Variants in ANKRD27 observed in about 807,000 individuals in gnomAD.
ANKRD27 encodes ankyrin repeat domain 27, also known as ankyrin repeat domain-containing protein 27.
A neutral mutation model predicts 129.7 loss-of-function variants in ANKRD27; 112 were observed. That is an observed-to-expected ratio of 0.86 (90% confidence interval 0.74 to 1.01). The LOEUF (loss-of-function observed/expected upper bound fraction) is 1.01. ANKRD27 is among the 50% of genes least tolerant of loss of function. The pLI is 0.00. For synonymous variants in ANKRD27, 516 were observed against 511.2 expected (o/e 1.01, Z -0.13); for missense variants, 1,258 against 1,300.5 (o/e 0.97, Z 0.50).
chr19:32,610,338 A>G (rs1352863550), intron 22 of ANKRD27, among the ~76,000 whole-genome samples: 1 of 151,628 alleles, frequency 6.6e-6, no homozygotes, highest in Non-Finnish European at 1.5e-5. Context: ...AAAATAAAAT[A>G]GCCCAGCATG....
chr19:32,645,969 T>C (rs1967295487), intron 4 of ANKRD27, among the ~76,000 whole-genome samples: 1 of 151,632 alleles, frequency 6.6e-6, no homozygotes, highest in African/African-American at 2.4e-5. Context: ...TCTCACTCTG[T>C]CACCCAGGAT....
rs2145269940 is a variant in ANKRD27, at chr19:32,615,789, G to A, written c.2053-9C>T. The A allele has an allele frequency of 6.2e-7, 1 of 1,609,584 alleles. No homozygotes were observed. The highest frequency in any genetic ancestry group is 8.5e-7 in the Non-Finnish European group (1 of 1,177,142). On this transcript the variant is annotated splice_polypyrimidine_tract_variant and intron_variant, in intron 21 of 28. Coordinates refer to ENST00000306065, the MANE Select transcript of ANKRD27 (RefSeq NM_032139.3). ...TCCAACAGGTAACGCACCTGGTGAT[G>A]GAGAGTAACGGAAACAGGAACACAT...
intron 28 of ANKRD27, among the ~76,000 whole-genome samples, chr19:32,599,266 G>A (rs562534387): frequency 3.9e-5 from 6 of 152,332 alleles, no homozygotes; most frequent in African/African-American, 1.2e-4. Flanking sequence ...GGGCCACAGA[G>A]CAAGACTCTG....
At chr19:32,648,955 GTT>G (rs1221995739) in intron 3 of ANKRD27, among the ~76,000 whole-genome samples, 1 of 136,124 alleles carries the variant, frequency 7.3e-6, no homozygotes, top group Non-Finnish European at 1.5e-5. Context: ...CAAAAAGATT[GTT>G]TTTTGGGTTT....
At chr19:32,614,913 A>C (rs1716106964) in intron 22 of ANKRD27, among the ~76,000 whole-genome samples, 1 of 152,150 alleles carries the variant, frequency 6.6e-6, no homozygotes, top group Non-Finnish European at 1.5e-5. Flanking sequence ...CAGTTTTGCA[A>C]GGATGTTACC....
intron 17 of ANKRD27, among the ~76,000 whole-genome samples, 200 bp downstream of exon 17, chr19:32,625,674 T>G (rs1256605725): frequency 3.3e-5 from 5 of 152,110 alleles, no homozygotes; most frequent in Non-Finnish European, 7.4e-5. Flanking sequence ...TCAGATGATC[T>G]GCCCACCTCA....
chr19:32,643,116 C>A lies in ANKRD27; in HGVS notation c.782+7G>T, dbSNP rs773084907. ...GGACACCAAGCCGCTGTGGCGCAAA[C>A]CCTTACCTGAACTCCGGTTTCACAC... On this transcript the variant is annotated splice_region_variant and intron_variant, in intron 9 of 28. Transcript: ENST00000306065. 6.2e-7 allele frequency: 1 copy of A among 1,613,532 alleles called. No homozygotes were observed. The highest frequency in any genetic ancestry group is 8.5e-7 in the Non-Finnish European group (1 of 1,179,936).
chr19:32,673,220 T>A, intron 1 of ANKRD27: 2 of 900,304 alleles, frequency 2.2e-6, no homozygotes, highest in Non-Finnish European at 2.7e-6. Flanking sequence ...CAGGCAAGAC[T>A]GGGTGTAACT....
intron 9 of ANKRD27, among the ~76,000 whole-genome samples, chr19:32,642,646 A>G (rs1967223467): frequency 6.6e-6 from 1 of 152,192 alleles, no homozygotes; most frequent in Non-Finnish European, 1.5e-5. Context: ...CTGAGGCAGG[A>G]GAATCACTTG....
At position 32,610,946 on chromosome 19, in the gene ANKRD27, A is replaced by G. The variant is rs530199200; in HGVS notation, c.2176-3114T>C. Among the ~76,000 whole-genome samples, 4 of 152,256 alleles carry G rather than the reference A, an allele frequency of 2.6e-5. No individual in the cohort carries two copies. The East Asian group carries it at 7.7e-4, about 29-fold the overall frequency. ...AAGTGAGCTATGATTGTGCCACTGC[A>G]CTCCAGCCTGGGTGACAGAGTGAAA... On this transcript the variant is annotated intron_variant, in intron 22 of 28. Transcript: ENST00000306065.
intron 14 of ANKRD27, 36 bp from the exon 15 acceptor site, chr19:32,628,201 G>A (rs750407956): frequency 1.3e-6 from 2 of 1,575,532 alleles, no homozygotes; most frequent in Non-Finnish European, 1.7e-6. Flanking sequence ...CTACACAGGG[G>A]AATGGCACAG....
chr19:32,626,833 G>T lies in ANKRD27; in HGVS notation c.1421-6C>A. 1 of 1,600,634 alleles carries T rather than the reference G, an allele frequency of 6.2e-7. No individual in the cohort carries two copies. ...GTCGATGAGGGATGCCTGCCCTGCA[G>T]AGCAGAAGGACGTCACGATGGAGAA... On this transcript the variant is annotated splice_polypyrimidine_tract_variant and splice_region_variant and intron_variant, in intron 15 of 28. Coordinates refer to ENST00000306065, the MANE Select transcript of ANKRD27 (RefSeq NM_032139.3).
chr19:32,612,037 C>T (rs1971843244), intron 22 of ANKRD27, among the ~76,000 whole-genome samples: 1 of 152,190 alleles, frequency 6.6e-6, no homozygotes, highest in Non-Finnish European at 1.5e-5. Flanking sequence ...CTGAGCCCAG[C>T]CTAATTCTCT....
intron 20 of ANKRD27, 122 bp from the exon 21 acceptor site, chr19:32,617,755 T>A (rs1196103604): frequency 6.7e-5 from 19 of 281,960 alleles, no homozygotes; most frequent in Admixed American, 2.8e-4. Context: ...CTGATTTAGT[T>A]TTTTTTTTTT....
intron 23 of ANKRD27, among the ~76,000 whole-genome samples, chr19:32,607,387 A>G (rs562992857): frequency 3.7e-4 from 56 of 152,222 alleles, no homozygotes; most frequent in African/African-American, 1.3e-3. Context: ...GGCAAGAATC[A>G]GAATGACAAC....
At chr19:32,646,680 C>T (rs1967310456) in intron 3 of ANKRD27, 65 bp from the exon 4 acceptor site, 2 of 1,551,202 alleles carry the variant, frequency 1.3e-6, no homozygotes. Flanking sequence ...CTCAGCCTGG[C>T]CCCCGATGCA....
intron 12 of ANKRD27, among the ~76,000 whole-genome samples, chr19:32,631,727 G>C (rs980997919): frequency 1.3e-5 from 2 of 152,190 alleles, no homozygotes; most frequent in Non-Finnish European, 2.9e-5. Flanking sequence ...GGATGGTGGC[G>C]GCACCCTGAC....
chr19:32,598,185 G>A lies in ANKRD27; in HGVS notation c.3113C>T (p.Pro1038Leu). ...ACTAACCTCTTGGGGAGTGGAGAGG[G>A]GGCCAGCAGCCTCCGGGCCCTGGGA... ...VVSQGPEAAG[P>L]LSTPQEVSAS... is the part of the protein sequence containing the mutation. Residue 1038 changes from proline to leucine, a missense_variant, in exon 29 of 29, where the codon CCC becomes CTC. Physicochemically the swap from Pro to Leu is moderately conservative, Grantham distance 98. Transcript: ENST00000306065. The A allele has an allele frequency of 6.2e-7, 1 of 1,614,054 alleles. No individual in the cohort carries two copies. Among genetic ancestry groups the A allele is most frequent in the Non-Finnish European group, 8.5e-7 (1 of 1,180,018 alleles).
In ANKRD27 at chr19:32,642,046, A is replaced by T. The variant is rs1391543669; in HGVS notation, c.882T>A (p.Ile294=). The part of the protein sequence containing the change: ...LVCLRKVVQL[I]TQSPSQRVNL... ...AACCTCTCTGGCTTGGAGACTGTGT[A>T]ATGAGCTGCACCACTTTTCGCAAGC... The change falls in exon 10 of 29, where the codon ATT becomes ATA. Residue 294 remains isoleucine, a synonymous_variant. Transcript: ENST00000306065. 6.2e-7 allele frequency: 1 copy of T among 1,608,632 alleles called. No homozygotes were observed. The highest frequency in any genetic ancestry group is 1.3e-5 in the African/African-American group (1 of 74,792).
Sources: gnomAD v4.1 joint callset for allele counts (sites outside exome capture counted in the v4.1 genomes callset) on GRCh38, gnomAD v4.1.1 for gene constraint, MANE v1.5 for transcripts, NCBI Gene and HGNC (gene_info 2026-07-23, HGNC 2026-07-21) for gene names.